Variants in SOD2 observed in about 807,000 individuals in gnomAD.
SOD2 encodes the protein superoxide dismutase 2.
SOD2 carries 11 observed loss-of-function variants against 27.0 expected under a neutral mutation model. The observed-to-expected ratio is 0.41, with a 90% CI of 0.26 to 0.67. The LOEUF (loss-of-function observed/expected upper bound fraction) is 0.67, where lower values mean the gene tolerates loss of function less well. Ranked by LOEUF, SOD2 falls within the 30% of genes least tolerant of loss-of-function variation. SOD2 has a pLI of 0.34. For missense variants in SOD2, 250 were observed against 274.5 expected (o/e 0.91, Z 0.63); for synonymous variants, 105 against 103.0 (o/e 1.02, Z -0.12).
intron 3 of SOD2, among the ~76,000 whole-genome samples, chr6:159,686,424 A>T (rs1332518838): frequency 1.3e-5 from 2 of 152,172 alleles, no homozygotes; most frequent in Non-Finnish European, 2.9e-5. Flanking sequence ...AGACAGGTGG[A>T]TCACCTGAGG....
At chr6:159,738,264 G>C (rs945089019) in intron 1 of SOD2, among the ~76,000 whole-genome samples, 6 of 152,086 alleles carry the variant, frequency 3.9e-5, no homozygotes, top group Non-Finnish European at 8.8e-5. Flanking sequence ...CCTGACCCCT[G>C]GCAACCACTA....
intron 1 of SOD2, chr6:159,743,555 G>A (rs1583091233): frequency 1.0e-5 from 11 of 1,061,402 alleles, no homozygotes; most frequent in Non-Finnish European, 1.3e-5. Context: ...TAGTTAGGAT[G>A]GAAACTAAAG....
intron 1 of SOD2, chr6:159,739,134 T>G: frequency 9.2e-7 from 1 of 1,084,322 alleles, no homozygotes; most frequent in Admixed American, 2.3e-5. Flanking sequence ...CCAGATATTG[T>G]TTTTAATGTT....
intron 3 of SOD2, among the ~76,000 whole-genome samples, chr6:159,686,491 C>G (rs568892435): frequency 6.6e-6 from 1 of 151,786 alleles, no homozygotes. Context: ...ACTAAAAATA[C>G]AAAAAAATTA....
chr6:159,683,696 T>A (rs1166572182), intron 4 of SOD2, among the ~76,000 whole-genome samples: 1 of 152,210 alleles, frequency 6.6e-6, no homozygotes, highest in Non-Finnish European at 1.5e-5. Context: ...GGAAGGAGTG[T>A]AGCTGGGACT....
chr6:159,715,984 A>G (rs1206580372), intron 1 of SOD2, among the ~76,000 whole-genome samples: 1 of 152,174 alleles, frequency 6.6e-6, no homozygotes, highest in Non-Finnish European at 1.5e-5. Flanking sequence ...TTGTCTTATA[A>G]AAGTTTGGTT....
At chr6:159,703,139 A>AC (rs1388617718) in intron 1 of SOD2, among the ~76,000 whole-genome samples, 7 of 152,078 alleles carry the variant, frequency 4.6e-5, no homozygotes, top group African/African-American at 1.2e-4. Flanking sequence ...ACATGGAGAG[A>AC]CCCCGTCTCT....
chr6:159,682,697 T>C lies in SOD2; in HGVS notation c.524-59A>G. The C allele has an allele frequency of 2.7e-6, 4 of 1,496,892 alleles. No homozygotes were observed. The South Asian group carries it at 5.2e-5, about 20-fold the overall frequency. 92.7% of individuals were successfully genotyped at this position (1,496,892 alleles called of 1,614,324 possible). A position where few individuals can be genotyped will look rare whatever the true frequency, so the allele number is the denominator to read the frequency against. On this transcript the variant is annotated intron_variant, in intron 4 of 4. Transcript: ENST00000538183. ...CAGTTTCAGTCTAAAACATTGCATCTTCTCAATTTCAACTTTTATTATTCT... is the reference window on the plus strand; with the variant it reads ...CAGTTTCAGTCTAAAACATTGCATCCTCTCAATTTCAACTTTTATTATTCT...
chr6:159,738,866 C>A (rs1779074408), intron 1 of SOD2: 6 of 585,560 alleles, frequency 1.0e-5, no homozygotes, highest in South Asian at 4.1e-5. Flanking sequence ...AATACTTTTT[C>A]AAAAAATCAT....
At chr6:159,692,406 A>C in intron 2 of SOD2, 1 of 1,391,496 alleles carries the variant, frequency 7.2e-7, no homozygotes, top group Non-Finnish European at 9.4e-7. Context: ...TGTGGCTCAC[A>C]ACAGTAAGGC....
intron 1 of SOD2, among the ~76,000 whole-genome samples, chr6:159,710,708 C>T (rs957962731): frequency 6.6e-6 from 1 of 152,040 alleles, no homozygotes; most frequent in African/African-American, 2.4e-5. Flanking sequence ...CCCTAACCAC[C>T]TCCATAACCA....
intron 1 of SOD2, among the ~76,000 whole-genome samples, chr6:159,700,845 G>C (rs1777511874): frequency 6.6e-6 from 1 of 152,054 alleles, no homozygotes; most frequent in Non-Finnish European, 1.5e-5. Context: ...GTTAAACTCT[G>C]ACTTTTTACT....
chr6:159,713,292 AG>A, intron 1 of SOD2: 2 of 669,628 alleles, frequency 3.0e-6, no homozygotes, highest in Non-Finnish European at 5.4e-6. Flanking sequence ...CCTCCACCAT[AG>A]GGACCCTGCC....
chr6:159,749,193 T>A (rs1008501851), upstream of SOD2: 1 of 985,758 alleles, frequency 1.0e-6, no homozygotes, highest in Non-Finnish European at 1.2e-6. Context: ...TGAAACTGTT[T>A]GAAGCATTAT....
At chr6:159,707,324 T>A (rs1045563397) in intron 1 of SOD2, among the ~76,000 whole-genome samples, 6 of 151,862 alleles carry the variant, frequency 4.0e-5, no homozygotes, top group Non-Finnish European at 8.8e-5. Flanking sequence ...AATCAATGAA[T>A]CCAGAAGCTG....
chr6:159,718,016 G>GTT (rs1777955800), intron 1 of SOD2, among the ~76,000 whole-genome samples: 1 of 150,884 alleles, frequency 6.6e-6, no homozygotes, highest in African/African-American at 2.4e-5. Context: ...CTGGGATAGG[G>GTT]TCTCTCCCCT....
rs1779701705 is a variant in SOD2 at position 159,672,979 on chromosome 6, AC to A, written c.*9513del. 6.6e-6 allele frequency: 1 copy of A among 152,232 alleles called. No individual in the cohort carries two copies. Among genetic ancestry groups the A allele is most frequent in the Admixed American group, 6.5e-5 (1 of 15,276 alleles). 9.4% of individuals were successfully genotyped at this position (152,232 alleles called of 1,614,324 possible). A position where few individuals can be genotyped will look rare whatever the true frequency, so the allele number is the denominator to read the frequency against. The stretch of plus-strand genomic sequence containing the variant: ...CTCTGATAAAACAGACTTTAAACCA[AC>A]AAAGATCAAAAGAGACAAAGAAGGC... On this transcript the variant is annotated 3_prime_UTR_variant, in exon 5 of 5. Transcript: ENST00000538183.
At chr6:159,728,292 A>G (rs988917247), upstream of SOD2, among the ~76,000 whole-genome samples, 6 of 152,128 alleles carry the variant, frequency 3.9e-5, no homozygotes, top group Admixed American at 3.9e-4. Flanking sequence ...CGTTTTTCAT[A>G]AGTCTGTGTA....
At chr6:159,727,373 C>CGGGCAGGAGGCGGGAGGCGGGAGGCGGG, upstream of SOD2, 1 of 623,036 alleles carries the variant, frequency 1.6e-6, no homozygotes, top group Admixed American at 7.7e-5. Flanking sequence ...AGCGGGGAGG[C>CGGGCAGGAGGCGGGAGGCGGGAGGCGGG]TGGCGGGAGG....
Sources: allele counts gnomAD v4.1 joint callset (sites outside exome capture counted in the v4.1 genomes callset), GRCh38; gene constraint gnomAD v4.1.1; transcripts MANE v1.5; gene names NCBI Gene and HGNC (gene_info 2026-07-23, HGNC 2026-07-21).